The following ZNF384 variants were observed in gnomAD, a reference collection of about 807,000 sequenced individuals.
The protein encoded by ZNF384 is zinc finger protein 384, also known as CAG repeat protein 1.
Under a neutral mutation model 65.0 loss-of-function variants are expected in ZNF384, and 20 were observed. That is an observed-to-expected ratio of 0.31 (90% confidence interval 0.22 to 0.45). The LOEUF (loss-of-function observed/expected upper bound fraction) is 0.45. Among genes scored for constraint, ZNF384 ranks in the 20% least tolerant of loss-of-function variants. The probability of loss-of-function intolerance (pLI) is 1.00; values close to 1 mark genes in which losing one functional copy is unlikely to be tolerated. For missense variants in ZNF384, 549 were observed against 769.4 expected (o/e 0.71, Z 3.39); for synonymous variants, 310 against 303.9 (o/e 1.02, Z -0.21).
At position 6,678,644 on chromosome 12, in the gene ZNF384, T is replaced by A. The variant is rs755204553; in HGVS notation, c.352+19A>T. On this transcript the variant is annotated intron_variant, in intron 5 of 11. Coordinates refer to ENST00000683879, the MANE Select transcript of ZNF384 (RefSeq NM_001385745.1). The surrounding 1 kb of genome is among the most constrained non-coding windows in gnomAD (Gnocchi z 4.9). Reference sequence around the variant, plus strand: ...CTCCTAACCCTTGTCCCCACCCCCCTGGTAACAGTGAGATTTACCCCTTGA... The same window carrying A: ...CTCCTAACCCTTGTCCCCACCCCCCAGGTAACAGTGAGATTTACCCCTTGA... 2.5e-6 allele frequency: 4 copies of A among 1,605,800 alleles called. No homozygotes were observed. Among genetic ancestry groups the A allele is most frequent in the South Asian group, 1.1e-5 (1 of 90,822 alleles).
intron 10 of ZNF384, 32 bp from the exon 11 acceptor site, chr12:6,669,221 C>A: frequency 6.3e-7 from 1 of 1,575,814 alleles, no homozygotes; most frequent in South Asian, 1.1e-5. Context: ...AGAATGAATA[C>A]ATTGTACTCT....
chr12:6,682,819 C>T (rs184729882), intron 2 of ZNF384, among the ~76,000 whole-genome samples: 248 of 152,286 alleles, frequency 1.6e-3, no homozygotes, highest in Non-Finnish European at 3.0e-3. Flanking sequence ...GACTTTATCA[C>T]CTAAGACACA....
chr12:6,686,089 T>C (rs1957816884), intron 2 of ZNF384, among the ~76,000 whole-genome samples: 2 of 152,212 alleles, frequency 1.3e-5, no homozygotes, highest in South Asian at 4.1e-4. Context: ...CCACCATCTC[T>C]TTCCCAGAAC....
chr12:6,678,353 CA>C lies in ZNF384; in HGVS notation c.459del (p.Gly154AlafsTer15). 1 of 1,614,044 alleles carries C rather than the reference CA, an allele frequency of 6.2e-7. No homozygotes were observed. The highest frequency in any genetic ancestry group is 8.5e-7 in the Non-Finnish European group (1 of 1,180,004). ...SAPMIVSALP[P>X]GSQALQVVPD... ...GGGACAACCTGCAGGGCTTGTGAGC[CA>C]GGGGGAAGAGCTGAGACAATCATGG... On this transcript the variant is annotated frameshift_variant, in exon 6 of 12. Coordinates refer to ENST00000683879, the MANE Select transcript of ZNF384 (RefSeq NM_001385745.1). LOFTEE classifies it high-confidence loss of function. This position sits in a 1 kb window ranked among gnomAD's most constrained non-coding sequence, Gnocchi z 4.9.
At chr12:6,681,821 T>C (rs1357791857) in intron 2 of ZNF384, among the ~76,000 whole-genome samples, 1 of 152,218 alleles carries the variant, frequency 6.6e-6, no homozygotes, top group Non-Finnish European at 1.5e-5. Context: ...TTTTAAAAAG[T>C]AGCGAGGGTG....
intron 7 of ZNF384, among the ~76,000 whole-genome samples, chr12:6,675,537 AAG>A (rs1953167766): frequency 6.6e-6 from 1 of 152,224 alleles, no homozygotes; most frequent in African/African-American, 2.4e-5. Flanking sequence ...GAAGTCAAGT[AAG>A]AGAGTCCTCT....
Position 6,677,367 on chromosome 12 carries a change from A to G in ZNF384, c.687-108T>C, listed in dbSNP as rs1161987368. On this transcript the variant is annotated intron_variant, in intron 6 of 11. Transcript: ENST00000683879. ...CTGTCTATATCAAAGCTGTGACAGT[A>G]GTTATCCCACTCTATACAGTGCTAC... 8 of 1,165,972 alleles carry G rather than the reference A, an allele frequency of 6.9e-6. No homozygotes were observed. In the African/African-American group the frequency reaches 9.8e-5, roughly 14 times the overall value. 72.2% of individuals were successfully genotyped at this position (1,165,972 alleles called of 1,614,324 possible). A position where few individuals can be genotyped will look rare whatever the true frequency, so the allele number is the denominator to read the frequency against.
At chr12:6,675,500 A>G (rs1953151519) in intron 7 of ZNF384, among the ~76,000 whole-genome samples, 1 of 152,246 alleles carries the variant, frequency 6.6e-6, no homozygotes, top group South Asian at 2.1e-4. Flanking sequence ...GGAGATCATT[A>G]AAATATTTCC....
At chr12:6,682,970 G>A (rs147323124) in intron 2 of ZNF384, among the ~76,000 whole-genome samples, 4 of 152,300 alleles carry the variant, frequency 2.6e-5, no homozygotes, top group African/African-American at 9.6e-5. Flanking sequence ...TAAGAGTGGT[G>A]ATAAATGGTG....
rs547491193 is a variant in ZNF384, at chr12:6,673,732, G to A, written c.780-292C>T. Among the ~76,000 whole-genome samples, 1 of 152,070 alleles carries A rather than the reference G, an allele frequency of 6.6e-6. No individual in the cohort carries two copies. The highest frequency in any genetic ancestry group is 2.1e-4 in the South Asian group (1 of 4,798). ...CTCTGGGCAGATGCGAATTTCAATG[G>A]GCCAGGAATATCAGTTAACTTGTTT... On this transcript the variant is annotated intron_variant, in intron 7 of 11. Coordinates refer to ENST00000683879, the MANE Select transcript of ZNF384 (RefSeq NM_001385745.1). The surrounding 1 kb of genome is among the most constrained non-coding windows in gnomAD (Gnocchi z 4.7).
chr12:6,672,917 C>T lies in ZNF384; in HGVS notation c.1004+299G>A. On this transcript the variant is annotated intron_variant, in intron 8 of 11. Transcript: ENST00000683879. This position sits in a 1 kb window ranked among gnomAD's most constrained non-coding sequence, Gnocchi z 4.4. The stretch of plus-strand genomic sequence containing the variant: ...CCATGGACCTGAAGTTGAATGCACA[C>T]CTTGGCTCTGAACTGAAGCATATAG... 2.1e-6 allele frequency: 1 copy of T among 469,316 alleles called. No individual in the cohort carries two copies. 29.1% of individuals were successfully genotyped at this position (469,316 alleles called of 1,614,324 possible). A position where few individuals can be genotyped will look rare whatever the true frequency, so the allele number is the denominator to read the frequency against.
At chr12:6,676,254 T>C (rs1319969557) in intron 7 of ZNF384, among the ~76,000 whole-genome samples, 6 of 152,136 alleles carry the variant, frequency 3.9e-5, no homozygotes, top group East Asian at 1.9e-4. Flanking sequence ...TGAGTTGAGA[T>C]TGTGCCACTG....
At position 6,666,697 on chromosome 12, in the gene ZNF384, GA is replaced by G. The variant is rs913119600; in HGVS notation, c.*1016del. The G allele has an allele frequency of 2.4e-5, 4 of 167,562 alleles. No homozygotes were observed. The East Asian group carries it at 3.3e-4, about 14-fold the overall frequency. The allele number at this position is 167,562 out of a possible 1,614,324, so 10.4% of individuals were successfully genotyped here. A position where few individuals can be genotyped will look rare whatever the true frequency, so the allele number is the denominator to read the frequency against. ...GCTAGAGGACAGGGGTGGAGAGAGG[GA>G]AAAAAAGGACAAAAATAAACAAAAC... On this transcript the variant is annotated 3_prime_UTR_variant, in exon 12 of 12. Coordinates refer to ENST00000683879, the MANE Select transcript of ZNF384 (RefSeq NM_001385745.1).
intron 10 of ZNF384, among the ~76,000 whole-genome samples, chr12:6,669,682 A>C (rs1404703244): frequency 1.3e-5 from 2 of 151,998 alleles, no homozygotes; most frequent in Non-Finnish European, 2.9e-5. Flanking sequence ...TTGTATTTTT[A>C]GTAGAGACAA....
In ZNF384 at chr12:6,666,800, G is replaced by A. The variant is rs181465986; in HGVS notation, c.*914C>T. On this transcript the variant is annotated 3_prime_UTR_variant, in exon 12 of 12. Coordinates refer to ENST00000683879, the MANE Select transcript of ZNF384 (RefSeq NM_001385745.1). ...TACAACAAAGATGGCCGTGATGAGT[G>A]AGTATAATATATTTATATATATATA... 1.2e-5 allele frequency: 2 copies of A among 171,672 alleles called. No homozygotes were observed. The highest frequency in any genetic ancestry group is 2.5e-5 in the Non-Finnish European group (2 of 80,158). The allele number at this position is 171,672 out of a possible 1,614,324, so 10.6% of individuals were successfully genotyped here. A position where few individuals can be genotyped will look rare whatever the true frequency, so the allele number is the denominator to read the frequency against.
chr12:6,674,937 G>A (rs1434597875), intron 7 of ZNF384, among the ~76,000 whole-genome samples: 2 of 152,188 alleles, frequency 1.3e-5, no homozygotes, highest in East Asian at 3.8e-4. Flanking sequence ...ATTGTCCCTT[G>A]AAGGGCAACT....
rs1379911321 is a variant in ZNF384, at chr12:6,667,379, A to G, written c.*335T>C. On this transcript the variant is annotated 3_prime_UTR_variant, in exon 12 of 12. Coordinates refer to ENST00000683879, the MANE Select transcript of ZNF384 (RefSeq NM_001385745.1). ...AACTTTGAGGATAAGGAGGGTAAGG[A>G]TAGGGTAAGTGGCCACACTGGACAA... The G allele has an allele frequency of 6.3e-6, 3 of 475,150 alleles. No homozygotes were observed. The highest frequency in any genetic ancestry group is 3.8e-5 in the African/African-American group (2 of 51,960). The allele number at this position is 475,150 out of a possible 1,614,324, so 29.4% of individuals were successfully genotyped here. A position where few individuals can be genotyped will look rare whatever the true frequency, so the allele number is the denominator to read the frequency against.
chr12:6,678,471 G>A lies in ZNF384; in HGVS notation c.353-11C>T, dbSNP rs780624486. 1.3e-6 allele frequency: 2 copies of A among 1,568,444 alleles called. No homozygotes were observed. Among genetic ancestry groups the A allele is most frequent in the Non-Finnish European group, 1.7e-6 (2 of 1,154,936 alleles). On this transcript the variant is annotated splice_polypyrimidine_tract_variant and intron_variant, in intron 5 of 11. Transcript: ENST00000683879. The surrounding 1 kb of genome is among the most constrained non-coding windows in gnomAD (Gnocchi z 4.9). Reference sequence around the variant, plus strand: ...TTACCAAACCCGGACCTAGGATTGGGAGAAAAAGGAGATGGCGTCATGTTG... The same window carrying A: ...TTACCAAACCCGGACCTAGGATTGGAAGAAAAAGGAGATGGCGTCATGTTG...
intron 2 of ZNF384, 121 bp from the exon 3 acceptor site, chr12:6,679,646 T>A (rs1266443187): frequency 1.4e-6 from 1 of 722,580 alleles, no homozygotes; most frequent in Non-Finnish European, 2.4e-6. Flanking sequence ...GGCTGGGGAC[T>A]GGCAGTCAAG....
Sources: gnomAD v4.1 joint callset for allele counts (sites outside exome capture counted in the v4.1 genomes callset) on GRCh38, gnomAD v4.1.1 for gene constraint, Gnocchi (gnomAD v3.1) non-coding constraint, MANE v1.5 for transcripts, NCBI Gene and HGNC (gene_info 2026-07-23, HGNC 2026-07-21) for gene names.